Variants in GAK observed in about 807,000 individuals in gnomAD.
The protein encoded by GAK is cyclin G associated kinase, also known as cyclin-G-associated kinase.
GAK carries 79 observed loss-of-function variants against 143.9 expected under a neutral mutation model. That is an observed-to-expected ratio of 0.55 (90% confidence interval 0.46 to 0.66). The LOEUF (loss-of-function observed/expected upper bound fraction) is 0.66, where lower values mean the gene tolerates loss of function less well. Among genes scored for constraint, GAK ranks in the 30% least tolerant of loss-of-function variants. The pLI is 0.00. For synonymous variants in GAK, 881 were observed against 765.5 expected (o/e 1.15, Z -2.49); for missense variants, 1,693 against 1,779.7 (o/e 0.95, Z 0.88).
rs1166114079 is a variant in GAK, at chr4:895,272, G to A, written c.741+1188C>T. On this transcript the variant is annotated intron_variant, in intron 7 of 27. Transcript: ENST00000314167. ...GGCCTTGAACAATCAGCGACTTCTC[G>A]TCAATCACCCAATATGTGAGCCCAG... is the stretch of plus-strand genomic sequence containing the variant. Among the ~76,000 whole-genome samples the A allele has an allele frequency of 3.9e-5, 6 of 152,322 alleles. No individual in the cohort carries two copies. In the East Asian group the frequency reaches 5.8e-4, roughly 15 times the overall value.
intron 11 of GAK, chr4:887,869 A>C (rs1015320139): frequency 6.6e-6 from 1 of 152,290 alleles, no homozygotes; most frequent in African/African-American, 2.4e-5. Context: ...GCAATCACAC[A>C]CGCCTATGCA....
rs908032547 is a variant in GAK at position 905,535 on chromosome 4, C to T, written c.383-756G>A. Among the ~76,000 whole-genome samples the T allele has an allele frequency of 6.6e-4, 98 of 148,942 alleles. 1 individual carries two copies. Among genetic ancestry groups the T allele is most frequent in the Non-Finnish European group, 1.1e-3 (75 of 67,224 alleles). ...ACGGACTCCGCCACGCCCCATGCCACGCTACGGACTCCGCCACGCCCCAGG... is the reference window on the plus strand; with the variant it reads ...ACGGACTCCGCCACGCCCCATGCCATGCTACGGACTCCGCCACGCCCCAGG... On this transcript the variant is annotated intron_variant, in intron 4 of 27. Coordinates refer to ENST00000314167, the MANE Select transcript of GAK (RefSeq NM_005255.4).
At chr4:914,456 G>T in intron 1 of GAK, among the ~76,000 whole-genome samples, 1 of 55,364 alleles carries the variant, frequency 1.8e-5, no homozygotes, top group Non-Finnish European at 3.1e-5. Context: ...CACACACACA[G>T]CCCCAGTGTG....
At chr4:851,629 G>C in intron 25 of GAK, 121 bp downstream of exon 25, 1 of 1,017,900 alleles carries the variant, frequency 9.8e-7, no homozygotes, top group Non-Finnish European at 1.5e-6. Context: ...TTCTCTGAGT[G>C]GCTTGGCCGT....
intron 24 of GAK, among the ~76,000 whole-genome samples, chr4:855,245 C>T (rs1278777926): frequency 1.3e-5 from 2 of 152,166 alleles, no homozygotes; most frequent in African/African-American, 4.8e-5. Flanking sequence ...CGCATCTCCT[C>T]TGGTCTCTTT....
intron 1 of GAK, chr4:915,778 G>A (rs1370939437): frequency 6.6e-6 from 1 of 152,174 alleles, no homozygotes; most frequent in Admixed American, 6.5e-5. Context: ...GTGCAATGTC[G>A]AATCCTCCCT....
At chr4:866,569 C>T in intron 21 of GAK, 35 bp from the exon 22 acceptor site, 5 of 1,601,498 alleles carry the variant, frequency 3.1e-6, no homozygotes, top group Non-Finnish European at 4.3e-6. Context: ...AGGACTCAGC[C>T]CGGCTGCCTG....
At chr4:931,975 A>C in intron 1 of GAK, 68 bp downstream of exon 1, 1 of 1,178,786 alleles carries the variant, frequency 8.5e-7, no homozygotes, top group Non-Finnish European at 1.2e-6. Context: ...CTCCGGGCTG[A>C]CGCTGCCCCC....
At chr4:903,777 C>T (rs1396594937) in intron 5 of GAK, among the ~76,000 whole-genome samples, 1 of 151,854 alleles carries the variant, frequency 6.6e-6, no homozygotes, top group East Asian at 1.9e-4. Flanking sequence ...CACCGGCGGG[C>T]ACCCTCGTCC....
At chr4:887,758 CAT>C (rs1169651718) in intron 11 of GAK, 4 of 152,526 alleles carry the variant, frequency 2.6e-5, no homozygotes, top group East Asian at 1.9e-4. Flanking sequence ...CCAACATGCA[CAT>C]GTGCTCATAC....
intron 9 of GAK, 73 bp downstream of exon 9, chr4:893,304 C>A: frequency 9.0e-7 from 1 of 1,107,680 alleles, no homozygotes; most frequent in Non-Finnish European, 1.3e-6. Context: ...CTCCCCTCTG[C>A]GGGGGATCTG....
intron 5 of GAK, among the ~76,000 whole-genome samples, chr4:900,396 C>T (rs1719647048): frequency 6.6e-6 from 1 of 152,246 alleles, no homozygotes; most frequent in Non-Finnish European, 1.5e-5. Context: ...TCCCGCCACG[C>T]CGCTGTGGAG....
At chr4:851,508 G>A in intron 25 of GAK, 1 of 587,572 alleles carries the variant, frequency 1.7e-6, no homozygotes, top group South Asian at 2.1e-5. Context: ...ACAAGACAGG[G>A]TTGCAAAGGC....
chr4:893,725 ACC>A (rs33951409), intron 8 of GAK, 147 bp downstream of exon 8: 40,905 of 855,894 alleles, frequency 0.048, 1,095 homozygotes, highest in East Asian at 0.14. Flanking sequence ...CTCTCTGGAA[ACC>A]CCCCCCCCAG....
intron 1 of GAK, among the ~76,000 whole-genome samples, chr4:916,109 T>G (rs1416529997): frequency 6.6e-6 from 1 of 152,150 alleles, no homozygotes; most frequent in Non-Finnish European, 1.5e-5. Flanking sequence ...GCAGGACCCA[T>G]AAAAGAAAAA....
Position 872,041 on chromosome 4 carries a change from A to T in GAK, c.2055-1137T>A, listed in dbSNP as rs57562012. ...GGCTGCCAGTGTCTGCAGGGCCAGG[A>T]ACACCCAGAGCAGAGTGGGATCCGC... On this transcript the variant is annotated intron_variant, in intron 18 of 27. Transcript: ENST00000314167. 4.1e-3 allele frequency among the ~76,000 whole-genome samples: 632 copies of T among 152,340 alleles called. 5 individuals carry two copies. The highest frequency in any genetic ancestry group is 0.014 in the African/African-American group (601 of 41,560).
intron 15 of GAK, among the ~76,000 whole-genome samples, chr4:879,583 C>T (rs991603621): frequency 6.6e-6 from 1 of 152,192 alleles, no homozygotes; most frequent in African/African-American, 2.4e-5. Context: ...TTCTGGCCAC[C>T]TCCAACACTT....
chr4:906,693 T>C (rs1272575372), intron 4 of GAK, among the ~76,000 whole-genome samples: 1 of 152,082 alleles, frequency 6.6e-6, no homozygotes, highest in Non-Finnish European at 1.5e-5. Flanking sequence ...CTCTGCTCTC[T>C]ACAGAGCAGC....
intron 9 of GAK, among the ~76,000 whole-genome samples, chr4:892,731 G>A (rs56080039): frequency 0.14 from 20,896 of 152,210 alleles, 1,806 homozygotes; most frequent in Middle Eastern, 0.31. Context: ...ACCCCAGGAC[G>A]CCCAGAGCTG....
Sources: gnomAD v4.1 joint callset for allele counts (sites outside exome capture counted in the v4.1 genomes callset) on GRCh38, gnomAD v4.1.1 for gene constraint, MANE v1.5 for transcripts, NCBI Gene and HGNC (gene_info 2026-07-23, HGNC 2026-07-21) for gene names.